Variants in ATAD2B observed in about 807,000 individuals in gnomAD.
The protein encoded by ATAD2B is ATPase family AAA domain containing 2B, also known as ATPase family AAA domain-containing protein 2B.
A neutral mutation model predicts 167.6 loss-of-function variants in ATAD2B; 40 were observed. That is an observed-to-expected ratio of 0.24 (90% CI 0.19 to 0.31). ATAD2B has a LOEUF of 0.31. Among genes scored for constraint, ATAD2B ranks in the 10% least tolerant of loss-of-function variants. The probability of loss-of-function intolerance (pLI) is 1.00; values close to 1 mark genes in which losing one functional copy is unlikely to be tolerated. For missense variants in ATAD2B, 1,242 were observed against 1,757.2 expected, an observed-to-expected ratio of 0.71 and a Z score of 5.24; for synonymous variants, 579 against 596.5, an observed-to-expected ratio of 0.97 and a Z score of 0.43.
the ATAD2B span, among the ~76,000 whole-genome samples, chr2:23,679,803 G>A: frequency 2.0e-5 from 3 of 152,340 alleles, no homozygotes; most frequent in African/African-American, 4.8e-5. Context: ...AGGAAGAGGG[G>A]AAGGAGGCAA....
At chr2:23,693,796 C>A in the ATAD2B span, among the ~76,000 whole-genome samples, 2 of 152,320 alleles carry the variant, frequency 1.3e-5, no homozygotes, top group Admixed American at 1.3e-4. Context: ...CCAGGGGGCT[C>A]TGGGGCTCCC....
At chr2:23,736,069 G>A in the ATAD2B span, among the ~76,000 whole-genome samples, 2 of 152,122 alleles carry the variant, frequency 1.3e-5, no homozygotes, top group Admixed American at 6.5e-5. Flanking sequence ...CCACTGAGAG[G>A]CTTCTATTGT....
chr2:23,810,951 C>A (rs2149542967), intron 17 of ATAD2B, among the ~76,000 whole-genome samples: 1 of 152,034 alleles, frequency 6.6e-6, no homozygotes, highest in East Asian at 1.9e-4. Flanking sequence ...GCGAAGGTTG[C>A]AGTGAGCCGA....
chr2:23,926,612 G>T lies in ATAD2B; in HGVS notation c.159C>A (p.Cys53Ter). The change falls in exon 1 of 28, where the codon TGC becomes TGA. Residue 53 changes from cysteine (C) to a stop codon, truncating the protein, a stop_gained. Coordinates refer to ENST00000238789, the MANE Select transcript of ATAD2B (RefSeq NM_017552.4). LOFTEE classifies it high-confidence loss of function. ...TRSSKTRAAS[C>*]PAAKAGGSGG... ...CGCTTCCCCCGGCTTTGGCGGCGGG[G>T]CAGCTGGCGGCGCGGGTCTTGGAGG... The T allele has an allele frequency of 6.4e-7, 1 of 1,563,660 alleles. No individual in the cohort carries two copies.
chr2:23,860,880 A>G (rs1360526216), intron 12 of ATAD2B, among the ~76,000 whole-genome samples: 4 of 152,216 alleles, frequency 2.6e-5, no homozygotes, highest in African/African-American at 7.2e-5. Context: ...CTAAGGCAGG[A>G]GAATCACCTG....
At position 23,749,276 on chromosome 2, in the gene ATAD2B, G is replaced by A. The variant is rs1675112485; in HGVS notation, c.*2770C>T. The A allele has an allele frequency of 6.6e-6, 1 of 152,004 alleles. No individual in the cohort carries two copies. Among genetic ancestry groups the A allele is most frequent in the South Asian group, 2.1e-4 (1 of 4,822 alleles). The allele number at this position is 152,004 out of a possible 1,614,324, so 9.4% of individuals were successfully genotyped here. On this transcript the variant is annotated 3_prime_UTR_variant, in exon 28 of 28. Coordinates refer to ENST00000238789, the MANE Select transcript of ATAD2B (RefSeq NM_017552.4). ...TTCCATCATCTTCAAAAAGCCCCCA[G>A]GGTCCCCACAGCTGAGCATGAATTA...
chr2:23,707,461 T>C, the ATAD2B span: 3 of 152,176 alleles, frequency 2.0e-5, no homozygotes, highest in African/African-American at 7.2e-5. Context: ...TTCCCAAAGC[T>C]CTTTGTAGGT....
At chr2:23,778,716 T>A (rs1306358298) in intron 22 of ATAD2B, among the ~76,000 whole-genome samples, 1 of 152,230 alleles carries the variant, frequency 6.6e-6, no homozygotes, top group Non-Finnish European at 1.5e-5. Context: ...CTTGCTCATT[T>A]AATTCTTACA....
At chr2:23,808,573 T>A (rs1685028393) in intron 18 of ATAD2B, among the ~76,000 whole-genome samples, 1 of 152,132 alleles carries the variant, frequency 6.6e-6, no homozygotes, top group Non-Finnish European at 1.5e-5. Flanking sequence ...GAGAAAACTA[T>A]CATTTTAAAA....
intron 18 of ATAD2B, among the ~76,000 whole-genome samples, chr2:23,808,146 AT>A (rs1684931311): frequency 6.2e-4 from 45 of 72,742 alleles, no homozygotes; most frequent in Non-Finnish European, 1.1e-3. Context: ...GATTACTTAT[AT>A]TATATGTTAT....
the ATAD2B span, chr2:23,706,938 T>C: frequency 8.9e-6 from 3 of 336,222 alleles, no homozygotes; most frequent in Admixed American, 4.9e-5. Context: ...CCAGGTGCAA[T>C]AGAGTTTCAC....
chr2:23,678,543 A>G, the ATAD2B span, among the ~76,000 whole-genome samples: 1 of 152,220 alleles, frequency 6.6e-6, no homozygotes, highest in African/African-American at 2.4e-5. Flanking sequence ...CTCTGCCAAT[A>G]TCAGCCAGGC....
the ATAD2B span, among the ~76,000 whole-genome samples, chr2:23,726,513 TTG>T: frequency 3.9e-5 from 6 of 152,146 alleles, no homozygotes; most frequent in Admixed American, 3.9e-4. Context: ...CATCTTCATG[TTG>T]AGCAGGCTGA....
At position 23,806,941 on chromosome 2, in the gene ATAD2B, TACAA is replaced by T. The variant is rs1311296117; in HGVS notation, c.2454+3371_2454+3374del. 4.6e-5 allele frequency among the ~76,000 whole-genome samples: 7 copies of T among 152,176 alleles called. 1 individual carries two copies. The highest frequency in any genetic ancestry group is 1.0e-4 in the Non-Finnish European group (7 of 68,024). ...AACTAAAGAAATTTAGCACAGTAAT[TACAA>T]ACAAAGTGTGCTTCTTCCTCTAAAG... On this transcript the variant is annotated intron_variant, in intron 18 of 27. Transcript: ENST00000238789.
At chr2:23,910,167 C>T (rs1223924550) in intron 1 of ATAD2B, among the ~76,000 whole-genome samples, 1 of 142,470 alleles carries the variant, frequency 7.0e-6, no homozygotes, top group East Asian at 2.1e-4. Context: ...TCCACTCTTG[C>T]ATACTCTTTT....
At chr2:23,910,825 A>C (rs1437293454) in intron 1 of ATAD2B, among the ~76,000 whole-genome samples, 1 of 151,904 alleles carries the variant, frequency 6.6e-6, no homozygotes, top group Non-Finnish European at 1.5e-5. Flanking sequence ...CCGGGGTCGC[A>C]CCACTGCACT....
intron 18 of ATAD2B, among the ~76,000 whole-genome samples, chr2:23,807,591 C>T (rs1684626414): frequency 6.6e-6 from 1 of 151,790 alleles, no homozygotes; most frequent in African/African-American, 2.4e-5. Context: ...CCAAGGCGGG[C>T]AGATCACGAA....
At chr2:23,685,995 A>G in the ATAD2B span, among the ~76,000 whole-genome samples, 1 of 152,148 alleles carries the variant, frequency 6.6e-6, no homozygotes, top group African/African-American at 2.4e-5. Flanking sequence ...GGGCCCTCGG[A>G]TGGCTTTCAG....
At chr2:23,743,164 G>A in the ATAD2B span, among the ~76,000 whole-genome samples, 1 of 151,542 alleles carries the variant, frequency 6.6e-6, no homozygotes, top group Non-Finnish European at 1.5e-5. Context: ...AAATGACTAT[G>A]CAAGACCTTG....
Sources: allele counts gnomAD v4.1 joint callset (sites outside exome capture counted in the v4.1 genomes callset), GRCh38; gene constraint gnomAD v4.1.1; transcripts MANE v1.5; gene names NCBI Gene and HGNC (gene_info 2026-07-23, HGNC 2026-07-21).